POLRMT: variants seen among roughly 807,000 people sequenced by gnomAD.
POLRMT encodes the protein RNA polymerase mitochondrial.
A neutral mutation model predicts 132.2 loss-of-function variants in POLRMT; 114 were observed. That is an observed-to-expected ratio of 0.86 (90% confidence interval 0.74 to 1.01). POLRMT has a LOEUF of 1.01. Ranked by LOEUF, POLRMT falls within the 50% of genes least tolerant of loss-of-function variation. POLRMT has a pLI of 0.00. For synonymous variants in POLRMT, 1,020 were observed against 773.4 expected (o/e 1.32, Z -5.29); for missense variants, 2,003 against 1,729.1 (o/e 1.16, Z -2.81).
intron 17 of POLRMT, chr19:618,189 C>T: frequency 1.8e-6 from 1 of 546,564 alleles, no homozygotes; most frequent in Middle Eastern, 4.8e-4. Context: ...GTAGATTCTG[C>T]TGGAACGACC....
rs1348420442 is a variant in POLRMT, at chr19:619,571, A to G, written c.3066+15T>C. ...GTGAAACCAACGTGTTCGCAGCGCG[A>G]CATGCCTGGCGCACCTGGGGAAAGT... On this transcript the variant is annotated intron_variant, in intron 13 of 20. Transcript: ENST00000588649. 1.9e-6 allele frequency: 3 copies of G among 1,611,398 alleles called. No homozygotes were observed. In the African/African-American group the frequency reaches 4.0e-5, roughly 22 times the overall value.
Position 622,637 on chromosome 19 carries a change from T to C in POLRMT, c.1571A>G (p.Gln524Arg). 6.2e-7 allele frequency: 1 copy of C among 1,607,298 alleles called. No individual in the cohort carries two copies. The highest frequency in any genetic ancestry group is 8.5e-7 in the Non-Finnish European group (1 of 1,178,382). ...CTTCCTGTAGTGGTTCTGCAGCGCC[T>C]GCACCTGGCCACTGACCCGCTGCCT... The part of the protein sequence containing the change: ...VQRQRVSGQV[Q>R]ALQNHYRKYL... Residue 524 changes from glutamine to arginine, a missense_variant, in exon 8 of 21, where the codon CAG (glutamine) becomes CGG (arginine). Physicochemically the swap from Gln to Arg is conservative, Grantham distance 43 (BLOSUM62 1). Coordinates refer to ENST00000588649, the MANE Select transcript of POLRMT (RefSeq NM_005035.4).
intron 2 of POLRMT, among the ~76,000 whole-genome samples, chr19:632,053 G>A (rs1208572639): frequency 6.7e-6 from 1 of 149,176 alleles, no homozygotes; most frequent in East Asian, 1.9e-4. Context: ...GATTACAGGC[G>A]TGAGCCACCG....
At chr19:631,192 G>T (rs1341823132) in intron 2 of POLRMT, among the ~76,000 whole-genome samples, 1 of 151,990 alleles carries the variant, frequency 6.6e-6, no homozygotes, top group Non-Finnish European at 1.5e-5. Context: ...GCCGGGTACA[G>T]GGCCGCGCAC....
chr19:619,169 C>G (rs889908788), intron 14 of POLRMT, 41 bp downstream of exon 14: 2 of 1,610,614 alleles, frequency 1.2e-6, no homozygotes, highest in Admixed American at 3.3e-5. Flanking sequence ...CGTCCACTTG[C>G]TTAGGGAGTC....
chr19:620,238 G>A (rs913602547), intron 11 of POLRMT, 127 bp downstream of exon 11: 1 of 1,451,176 alleles, frequency 6.9e-7, no homozygotes. Context: ...AGGAGCCATG[G>A]CTCCCGCACA....
At chr19:627,147 CATT>C (rs1336944044) in intron 3 of POLRMT, among the ~76,000 whole-genome samples, 6 of 131,240 alleles carry the variant, frequency 4.6e-5, no homozygotes, top group Non-Finnish European at 6.4e-5. Flanking sequence ...AGTTTTGGGG[CATT>C]TTTTTTTTTT....
intron 3 of POLRMT, among the ~76,000 whole-genome samples, chr19:627,622 A>C (rs1336828902): frequency 1.3e-5 from 2 of 151,552 alleles, no homozygotes; most frequent in Non-Finnish European, 2.9e-5. Flanking sequence ...GTTCTACTGG[A>C]TGGTGCTGGT....
At chr19:622,449 C>T in intron 8 of POLRMT, 76 bp from the exon 9 acceptor site, 1 of 1,464,054 alleles carries the variant, frequency 6.8e-7, no homozygotes, top group South Asian at 1.4e-5. Flanking sequence ...GCCTGACGCC[C>T]GGTGGGGCAT....
At chr19:623,730 CG>C in intron 5 of POLRMT, 127 bp from the exon 6 acceptor site, 1 of 1,135,802 alleles carries the variant, frequency 8.8e-7, no homozygotes, top group Non-Finnish European at 1.2e-6. Context: ...ATCGCTGACG[CG>C]GGGAAAGGCG....
chr19:621,859 A>T lies in POLRMT; in HGVS notation c.1852-13T>A. 1 of 1,600,802 alleles carries T rather than the reference A, an allele frequency of 6.2e-7. No homozygotes were observed. The highest frequency in any genetic ancestry group is 8.5e-7 in the Non-Finnish European group (1 of 1,179,686). ...TCAGGATGCCGATCTGGGGTGCGAC[A>T]GGCAGACGGGTCAGGGCCCCGGTGC... On this transcript the variant is annotated splice_polypyrimidine_tract_variant and intron_variant, in intron 9 of 20. Coordinates refer to ENST00000588649, the MANE Select transcript of POLRMT (RefSeq NM_005035.4).
At chr19:628,963 C>T (rs1002025406) in intron 3 of POLRMT, among the ~76,000 whole-genome samples, 1 of 152,038 alleles carries the variant, frequency 6.6e-6, no homozygotes, top group Non-Finnish European at 1.5e-5. Flanking sequence ...GAGATCGCAC[C>T]ACCGCACTCC....
At chr19:633,144 G>C in intron 1 of POLRMT, 1 of 594,022 alleles carries the variant, frequency 1.7e-6, no homozygotes, top group Non-Finnish European at 2.8e-6. Flanking sequence ...GCCGAGAGAG[G>C]GTTCCTCGCA....
In POLRMT at chr19:625,177, C is replaced by G. The variant is rs755033926; in HGVS notation, c.900G>C (p.Ala300=). The stretch of plus-strand genomic sequence containing the variant: ...GCCTCCCCATGCACTGGAGGGCAGC[C>G]GCATAGGACAGCAGGTCCGGAGTCA... ...AGLTPDLLSY[A]AALQCMGRQD... Residue 300 remains alanine (A), a synonymous_variant, in exon 4 of 21, where the codon GCG becomes GCC. Coordinates refer to ENST00000588649, the MANE Select transcript of POLRMT (RefSeq NM_005035.4). The G allele has an allele frequency of 6.2e-7, 1 of 1,613,898 alleles. No homozygotes were observed. Among genetic ancestry groups the G allele is most frequent in the African/African-American group, 1.3e-5 (1 of 74,926 alleles).
At chr19:621,902 C>T in intron 9 of POLRMT, 56 bp from the exon 10 acceptor site, 1 of 1,574,180 alleles carries the variant, frequency 6.4e-7, no homozygotes, top group Non-Finnish European at 8.6e-7. Context: ...TTCCTGTTCC[C>T]ACCCCTTAAA....
At chr19:620,122 C>A in intron 11 of POLRMT, 42 bp from the exon 12 acceptor site, 1 of 1,532,374 alleles carries the variant, frequency 6.5e-7, no homozygotes, top group Non-Finnish European at 8.7e-7. Flanking sequence ...GCTAGAGAGG[C>A]AGAGACGTGT....
chr19:618,459 C>T (rs746336260), intron 17 of POLRMT, 29 bp downstream of exon 17: 23 of 1,529,038 alleles, frequency 1.5e-5, no homozygotes, highest in Admixed American at 1.4e-4. Context: ...GGGAGGCGAG[C>T]GGCACCCACG....
At position 625,274 on chromosome 19, in the gene POLRMT, T is replaced by G; in HGVS notation, c.823-20A>C. On this transcript the variant is annotated intron_variant, in intron 3 of 20. Coordinates refer to ENST00000588649, the MANE Select transcript of POLRMT (RefSeq NM_005035.4). ...GGCACCCTGGGAGACCAAGCCAGGG[T>G]GAGGGTCTGGGGGGATGGCCCAACC... is the stretch of plus-strand genomic sequence containing the variant. 6.2e-7 allele frequency: 1 copy of G among 1,613,012 alleles called. No individual in the cohort carries two copies. The highest frequency in any genetic ancestry group is 8.5e-7 in the Non-Finnish European group (1 of 1,179,568).
rs1230273578 is a variant in POLRMT at position 622,851 on chromosome 19, G to C, written c.1425C>G (p.Asp475Glu). 2 of 1,603,788 alleles carry C rather than the reference G, an allele frequency of 1.2e-6. No homozygotes were observed. The highest frequency in any genetic ancestry group is 1.3e-5 in the African/African-American group (1 of 74,726). Residue 475 changes from aspartate to glutamate, a missense_variant, in exon 7 of 21, where the codon GAC (aspartate) becomes GAG (glutamate). Transcript: ENST00000588649. ...FSLYPFLCLL[D>E]EREVVRMLLQ... ...GGAGCATCCGCACCACCTCGCGCTC[G>C]TCCAGCAGGCACAGGAAGGGGTAAA... is the stretch of plus-strand genomic sequence containing the variant.
Sources: gnomAD v4.1 joint callset for allele counts (sites outside exome capture counted in the v4.1 genomes callset) on GRCh38, gnomAD v4.1.1 for gene constraint, MANE v1.5 for transcripts, NCBI Gene and HGNC (gene_info 2026-07-23, HGNC 2026-07-21) for gene names.